Variants in PPP6R1 observed in about 807,000 individuals in gnomAD.
PPP6R1 encodes the protein protein phosphatase 6 regulatory subunit 1, also known as serine/threonine-protein phosphatase 6 regulatory subunit 1.
Under a neutral mutation model 104.6 loss-of-function variants are expected in PPP6R1, and 39 were observed. That is an observed-to-expected ratio of 0.37 (90% confidence interval 0.29 to 0.49). The LOEUF (loss-of-function observed/expected upper bound fraction) is 0.49, where lower values mean the gene tolerates loss of function less well. Ranked by LOEUF, PPP6R1 falls within the 20% of genes least tolerant of loss-of-function variation. The probability of loss-of-function intolerance (pLI) is 0.98; values close to 1 mark genes in which losing one functional copy is unlikely to be tolerated. For missense variants in PPP6R1, 1,181 were observed against 1,155.8 expected (o/e 1.02, Z -0.32); for synonymous variants, 549 against 479.0 (o/e 1.15, Z -1.91).
chr19:55,256,180 G>A (rs772156077), intron 1 of PPP6R1, among the ~76,000 whole-genome samples: 2 of 152,254 alleles, frequency 1.3e-5, no homozygotes, highest in Non-Finnish European at 2.9e-5. Flanking sequence ...AAAGATGGTG[G>A]TGACTCGCAA....
At chr19:55,251,300 C>A (rs1181238372) in intron 1 of PPP6R1, among the ~76,000 whole-genome samples, 1 of 152,192 alleles carries the variant, frequency 6.6e-6, no homozygotes, top group Non-Finnish European at 1.5e-5. Flanking sequence ...GAGGGCAGCA[C>A]CTAGCATGGA....
chr19:55,231,453 C>T lies in PPP6R1; in HGVS notation c.2416G>A (p.Ala806Thr), dbSNP rs777327971. 7 of 1,607,796 alleles carry T rather than the reference C, an allele frequency of 4.4e-6. No individual in the cohort carries two copies. Among genetic ancestry groups the T allele is most frequent in the African/African-American group, 4.0e-5 (3 of 74,794 alleles). Residue 806 changes from alanine (A) to threonine (T), a missense_variant, in exon 21 of 24, where the codon GCC (alanine) becomes ACC (threonine). By Grantham distance (58) the Ala-to-Thr change is moderately conservative. This residue lies in a region of PPP6R1 where 1,042 missense variants were observed against 955.6 expected (regional missense o/e 1.09). Transcript: ENST00000412770. Reference protein sequence around the residue: ...QALVSIGDLQATFHGIRSAPS... With the variant: ...QALVSIGDLQTTFHGIRSAPS... Reference sequence around the variant, plus strand: ...GCAGAACGGATCCCGTGGAAGGTGGCCTGAAGGTCCCCGATGCTAACCAAG... The same window carrying T: ...GCAGAACGGATCCCGTGGAAGGTGGTCTGAAGGTCCCCGATGCTAACCAAG...
In PPP6R1 at chr19:55,231,052, A is replaced by G. The variant is rs892025513; in HGVS notation, c.2460-168T>C. The G allele has an allele frequency of 3.1e-5, 20 of 635,994 alleles. No individual in the cohort carries two copies. In the East Asian group the frequency reaches 3.8e-4, roughly 12 times the overall value. 39.4% of individuals were successfully genotyped at this position (635,994 alleles called of 1,614,324 possible). On this transcript the variant is annotated intron_variant, in intron 21 of 23. Transcript: ENST00000412770. ...CTGGCTCAGCGTGGAGGGACAGCACAGCCCTGGACAGGAAGACAAGCACCC... is the reference window on the plus strand; with the variant it reads ...CTGGCTCAGCGTGGAGGGACAGCACGGCCCTGGACAGGAAGACAAGCACCC...
At chr19:55,250,752 C>T (rs1444453653) in intron 1 of PPP6R1, among the ~76,000 whole-genome samples, 6 of 152,110 alleles carry the variant, frequency 3.9e-5, no homozygotes, top group African/African-American at 1.4e-4. Flanking sequence ...CCTCCCACCC[C>T]GACCCAGGCA....
Position 55,241,747 on chromosome 19 carries a change from C to A in PPP6R1, c.846-108G>T. The A allele has an allele frequency of 7.6e-7, 1 of 1,309,274 alleles. No homozygotes were observed. Among genetic ancestry groups the A allele is most frequent in the Non-Finnish European group, 1.0e-6 (1 of 971,920 alleles). The allele number at this position is 1,309,274 out of a possible 1,614,324, so 81.1% of individuals were successfully genotyped here. A position where few individuals can be genotyped will look rare whatever the true frequency, so the allele number is the denominator to read the frequency against. On this transcript the variant is annotated intron_variant, in intron 7 of 23. Transcript: ENST00000412770. The surrounding 1 kb of genome is among the most constrained non-coding windows in gnomAD (Gnocchi z 5.4). ...CAGGGTCTGGAGGAAAACGAGGAGC[C>A]ACATGCCCCCAGCGCCGCTCTCTTC... is the stretch of plus-strand genomic sequence containing the variant.
chr19:55,237,381 A>G (rs778567113), intron 15 of PPP6R1, among the ~76,000 whole-genome samples: 17 of 152,128 alleles, frequency 1.1e-4, no homozygotes, highest in Non-Finnish European at 2.1e-4. Context: ...AGAATGTGAG[A>G]CTACAGCCCA....
At position 55,231,835 on chromosome 19, in the gene PPP6R1, G is replaced by A. The variant is rs756198850; in HGVS notation, c.2273C>T (p.Ala758Val). The A allele has an allele frequency of 6.7e-7, 1 of 1,503,476 alleles. No individual in the cohort carries two copies. Among genetic ancestry groups the A allele is most frequent in the East Asian group, 2.3e-5 (1 of 42,992 alleles). 93.1% of individuals were successfully genotyped at this position (1,503,476 alleles called of 1,614,324 possible). A position where few individuals can be genotyped will look rare whatever the true frequency, so the allele number is the denominator to read the frequency against. The change falls in exon 19 of 24, where the codon GCC (alanine) becomes GTC (valine). Residue 758 changes from alanine to valine, a missense_variant. Physicochemically the swap from Ala to Val is moderately conservative, Grantham distance 64. Around this residue, in one of 2 missense-constraint regions of PPP6R1, gnomAD observed 1,042 missense variants for 955.6 expected, o/e 1.09. Transcript: ENST00000412770. ...CAGGGCGTCACGGGCAGGAGGGCTGGCCAGGCTCTGAGTGGGGAGGCCCTG... is the reference window on the plus strand; with the variant it reads ...CAGGGCGTCACGGGCAGGAGGGCTGACCAGGCTCTGAGTGGGGAGGCCCTG... Reference protein sequence around the residue: ...VPQGLPTQSLASPPARDALQL... With the variant: ...VPQGLPTQSLVSPPARDALQL...
chr19:55,257,830 G>C (rs1403036618), intron 1 of PPP6R1, among the ~76,000 whole-genome samples: 2 of 152,260 alleles, frequency 1.3e-5, no homozygotes, highest in African/African-American at 4.8e-5. Context: ...CCAGCGCCAG[G>C]CTCCCTGCCT....
chr19:55,228,235 G>A (rs1345368324), downstream of PPP6R1: 1 of 1,612,260 alleles, frequency 6.2e-7, no homozygotes, highest in Non-Finnish European at 8.5e-7. Flanking sequence ...GTCCCCCACA[G>A]CCGAGCACAC....
At chr19:55,228,602 C>G, downstream of PPP6R1, 1 of 1,539,034 alleles carries the variant, frequency 6.5e-7, no homozygotes. Context: ...GCCCAACCAA[C>G]TCAAGGACAG....
chr19:55,253,842 G>A (rs914737876), intron 1 of PPP6R1, among the ~76,000 whole-genome samples: 9 of 152,108 alleles, frequency 5.9e-5, no homozygotes, highest in Non-Finnish European at 8.8e-5. Flanking sequence ...GGTTTCACTC[G>A]CACTCTCCTG....
intron 15 of PPP6R1, 94 bp downstream of exon 15, chr19:55,239,311 G>A: frequency 7.9e-7 from 1 of 1,268,770 alleles, no homozygotes; most frequent in Non-Finnish European, 1.1e-6. Flanking sequence ...GAGCCCACAG[G>A]GCATGTAGGT....
intron 1 of PPP6R1, 38 bp from the exon 2 acceptor site, chr19:55,247,147 C>T (rs751368812): frequency 5.0e-6 from 8 of 1,588,204 alleles, no homozygotes; most frequent in South Asian, 1.1e-5. Flanking sequence ...CGTCAGACGC[C>T]CCAGGGAGTC....
In PPP6R1 at chr19:55,230,078, C is replaced by CGGGTGT. The variant is rs1568941456; in HGVS notation, c.*444_*449dup. ...CCATGGTGGACCTGAGCTAAAAGGC[C>CGGGTGT]GGGTGTGGGCGTGGCCGTCTGCGCT... is the stretch of plus-strand genomic sequence containing the variant. On this transcript the variant is annotated 3_prime_UTR_variant, in exon 24 of 24. Transcript: ENST00000412770. The CGGGTGT allele has an allele frequency of 1.2e-5, 2 of 161,278 alleles. No individual in the cohort carries two copies. Among genetic ancestry groups the CGGGTGT allele is most frequent in the African/African-American group, 2.4e-5 (1 of 41,590 alleles). 10.0% of individuals were successfully genotyped at this position (161,278 alleles called of 1,614,324 possible). A position where few individuals can be genotyped will look rare whatever the true frequency, so the allele number is the denominator to read the frequency against.
At position 55,246,794 on chromosome 19, in the gene PPP6R1, T is replaced by C. The variant is rs1379749664; in HGVS notation, c.227+83A>G. On this transcript the variant is annotated intron_variant, in intron 2 of 23. Coordinates refer to ENST00000412770, the MANE Select transcript of PPP6R1 (RefSeq NM_014931.4). The stretch of plus-strand genomic sequence containing the variant: ...ACTGGAGTTTACTGACACTGACGCA[T>C]TTCAGGGTAGCTGTGAGGCTTGCGT... 3.2e-6 allele frequency: 4 copies of C among 1,267,564 alleles called. No individual in the cohort carries two copies. The East Asian group carries it at 1.0e-4, about 32-fold the overall frequency. The allele number at this position is 1,267,564 out of a possible 1,614,324, so 78.5% of individuals were successfully genotyped here.
chr19:55,254,463 C>T (rs1185901834), intron 1 of PPP6R1, among the ~76,000 whole-genome samples: 1 of 152,170 alleles, frequency 6.6e-6, no homozygotes, highest in Admixed American at 6.5e-5. Context: ...CCTTCCCCTG[C>T]TTGGACAGGC....
At chr19:55,228,835 C>A, downstream of PPP6R1, 4 of 1,314,528 alleles carry the variant, frequency 3.0e-6, no homozygotes, top group Non-Finnish European at 4.3e-6. Context: ...ACCCAAGGAG[C>A]GTCCTGTGGA....
At position 55,258,537 on chromosome 19, in the gene PPP6R1, G is replaced by C. The variant is rs999014880; in HGVS notation, c.-109C>G. ...GCCCCTGCTGCGGGGCCCGGTGAGT[G>C]GGGGCGGGGGCGGCGTCGGGGACTC... On this transcript the variant is annotated 5_prime_UTR_variant, in exon 1 of 24. Transcript: ENST00000412770. 5 of 149,910 alleles carry C rather than the reference G, an allele frequency of 3.3e-5. No homozygotes were observed. The highest frequency in any genetic ancestry group is 7.4e-5 in the Non-Finnish European group (5 of 67,220). The allele number at this position is 149,910 out of a possible 1,614,324, so 9.3% of individuals were successfully genotyped here.
chr19:55,230,496 GA>G lies in PPP6R1; in HGVS notation c.*31del. 6.2e-7 allele frequency: 1 copy of G among 1,612,888 alleles called. No homozygotes were observed. The highest frequency in any genetic ancestry group is 8.5e-7 in the Non-Finnish European group (1 of 1,179,766). Reference sequence around the variant, plus strand: ...ACCCCGGGAGATCCACGGGAGGACGGAAGATTTGGCCGCCGCTGCCGCACCA... The same window carrying G: ...ACCCCGGGAGATCCACGGGAGGACGGAGATTTGGCCGCCGCTGCCGCACCA... On this transcript the variant is annotated 3_prime_UTR_variant, in exon 24 of 24. Coordinates refer to ENST00000412770, the MANE Select transcript of PPP6R1 (RefSeq NM_014931.4).
Sources: gnomAD v4.1 joint callset for allele counts (sites outside exome capture counted in the v4.1 genomes callset) on GRCh38, gnomAD v4.1.1 for gene constraint, gnomAD v4.1.1 regional missense constraint, Gnocchi (gnomAD v3.1) non-coding constraint, MANE v1.5 for transcripts, NCBI Gene and HGNC (gene_info 2026-07-23, HGNC 2026-07-21) for gene names.